Variants in MYO16 observed in about 807,000 individuals in gnomAD.
MYO16 encodes the protein unconventional myosin-XVI.
MYO16 carries 94 observed loss-of-function variants against 205.3 expected under a neutral mutation model. The ratio of observed to expected loss-of-function variants is 0.46; its 90% CI spans 0.39 to 0.54. The LOEUF (loss-of-function observed/expected upper bound fraction) is 0.54. Ranked by LOEUF, MYO16 falls within the 20% of genes least tolerant of loss-of-function variation. The pLI is 0.00. For missense variants in MYO16, 2,315 were observed against 2,387.5 expected, an observed-to-expected ratio of 0.97 and a Z score of 0.63; for synonymous variants, 988 against 954.0, an observed-to-expected ratio of 1.04 and a Z score of -0.66.
intron 12 of MYO16, among the ~76,000 whole-genome samples, chr13:108,880,032 T>C (rs1879532016): frequency 6.6e-6 from 1 of 152,212 alleles, no homozygotes; most frequent in South Asian, 2.1e-4. Flanking sequence ...TGTTGTTTCC[T>C]GACTTTTTAA....
chr13:108,782,589 A>G (rs1219358380), intron 4 of MYO16, among the ~76,000 whole-genome samples: 1 of 152,204 alleles, frequency 6.6e-6, no homozygotes, highest in Non-Finnish European at 1.5e-5. Context: ...CCCCAAGACA[A>G]TGGGGAAAAT....
intron 15 of MYO16, among the ~76,000 whole-genome samples, chr13:108,902,239 C>T (rs370288660): frequency 2.0e-5 from 3 of 152,190 alleles, no homozygotes; most frequent in East Asian, 1.9e-4. Flanking sequence ...CTCATGCCAA[C>T]GCTGGCTGTG....
the MYO16 span, among the ~76,000 whole-genome samples, chr13:108,519,655 A>T: frequency 2.0e-5 from 3 of 151,624 alleles, no homozygotes; most frequent in Non-Finnish European, 4.4e-5. Context: ...ACACCCACAC[A>T]CACACACACC....
chr13:108,904,183 G>GA (rs570013285), intron 15 of MYO16, among the ~76,000 whole-genome samples: 105 of 152,206 alleles, frequency 6.9e-4, no homozygotes, highest in African/African-American at 2.4e-3. Context: ...TTGTTTGGGG[G>GA]AAAATGTAAT....
At chr13:109,044,636 C>G (rs1886982298) in intron 23 of MYO16, among the ~76,000 whole-genome samples, 1 of 152,110 alleles carries the variant, frequency 6.6e-6, no homozygotes, top group African/African-American at 2.4e-5. Context: ...CTACTAAAGT[C>G]ATGTGAGCAT....
intron 14 of MYO16, among the ~76,000 whole-genome samples, chr13:108,896,637 A>G (rs910442244): frequency 1.3e-5 from 2 of 152,212 alleles, no homozygotes; most frequent in African/African-American, 2.4e-5. Flanking sequence ...GGTTAATTCA[A>G]CACCTTAATG....
chr13:108,899,942 T>C (rs1481713420), intron 15 of MYO16, among the ~76,000 whole-genome samples: 1 of 152,214 alleles, frequency 6.6e-6, no homozygotes, highest in Non-Finnish European at 1.5e-5. Flanking sequence ...AGGTGATTCA[T>C]GGGACGTGAG....
At chr13:108,622,791 C>A (rs1298440949) in intron 1 of MYO16, among the ~76,000 whole-genome samples, 3 of 151,990 alleles carry the variant, frequency 2.0e-5, no homozygotes, top group Non-Finnish European at 2.9e-5. Flanking sequence ...AGACATGGAT[C>A]AGAGCACGGA....
intron 13 of MYO16, among the ~76,000 whole-genome samples, chr13:108,885,596 G>A (rs918099018): frequency 1.3e-5 from 2 of 152,178 alleles, no homozygotes; most frequent in Non-Finnish European, 2.9e-5. Flanking sequence ...GGTGAGACAG[G>A]GAGAGTTTAA....
intron 27 of MYO16, among the ~76,000 whole-genome samples, chr13:109,060,260 A>G (rs573763243): frequency 7.2e-5 from 11 of 152,314 alleles, no homozygotes; most frequent in Non-Finnish European, 1.3e-4. Flanking sequence ...GATAGACTGG[A>G]TAAAGAAATT....
At chr13:108,631,700 A>G (rs1200559531) in intron 1 of MYO16, among the ~76,000 whole-genome samples, 13 of 152,194 alleles carry the variant, frequency 8.5e-5, no homozygotes, top group Admixed American at 8.5e-4. Context: ...GAGTTCAGAA[A>G]TTATACTGCA....
intron 6 of MYO16, among the ~76,000 whole-genome samples, chr13:108,799,439 A>G (rs1242236713): frequency 1.3e-5 from 2 of 152,226 alleles, no homozygotes; most frequent in Admixed American, 1.3e-4. Context: ...CCACTAAGCA[A>G]CAGATCTAGT....
intron 16 of MYO16, among the ~76,000 whole-genome samples, chr13:108,924,723 C>A (rs6492156): frequency 6.6e-6 from 1 of 151,932 alleles, no homozygotes; most frequent in Admixed American, 6.5e-5. Context: ...TGTGCACACC[C>A]ACAGGGGTCT....
intron 6 of MYO16, among the ~76,000 whole-genome samples, chr13:108,798,941 A>G (rs1165519470): frequency 4.1e-5 from 6 of 145,528 alleles, no homozygotes; most frequent in Non-Finnish European, 6.0e-5. Flanking sequence ...TCCCGACCTC[A>G]TGATCCACCC....
At chr13:108,574,719 G>A in the MYO16 span, among the ~76,000 whole-genome samples, 1 of 150,020 alleles carries the variant, frequency 6.7e-6, no homozygotes, top group Non-Finnish European at 1.5e-5. Flanking sequence ...GCGCTTGTGT[G>A]TATTTGTATA....
chr13:108,564,782 G>C, the MYO16 span, among the ~76,000 whole-genome samples: 1 of 152,140 alleles, frequency 6.6e-6, no homozygotes, highest in African/African-American at 2.4e-5. Context: ...TTCATAGTCT[G>C]AGGTCTTATA....
chr13:109,171,920 C>T (rs1878938792), intron 33 of MYO16, among the ~76,000 whole-genome samples: 1 of 152,180 alleles, frequency 6.6e-6, no homozygotes, highest in African/African-American at 2.4e-5. Flanking sequence ...TGTTCATCCT[C>T]AATGCACAAT....
At chr13:108,913,369 GT>G (rs1881351142) in intron 16 of MYO16, among the ~76,000 whole-genome samples, 1 of 152,090 alleles carries the variant, frequency 6.6e-6, no homozygotes, top group African/African-American at 2.4e-5. Context: ...ATTTTTTGTT[GT>G]TTATGTTATA....
chr13:108,727,684 G>T, intron 4 of MYO16, 101 bp downstream of exon 4: 3 of 1,329,052 alleles, frequency 2.3e-6, no homozygotes, highest in South Asian at 2.9e-5. Context: ...TTTTGGTTGA[G>T]AAAAATCTGC....
Sources: allele counts gnomAD v4.1 joint callset (sites outside exome capture counted in the v4.1 genomes callset), GRCh38; gene constraint gnomAD v4.1.1; transcripts MANE v1.5; gene names NCBI Gene and HGNC (gene_info 2026-07-23, HGNC 2026-07-21).